The following AGTPBP1 variants were observed in gnomAD, a reference collection of about 807,000 sequenced individuals.
The protein encoded by AGTPBP1 is cytosolic carboxypeptidase 1.
AGTPBP1 carries 70 observed loss-of-function variants against 143.9 expected under a neutral mutation model. The ratio of observed to expected loss-of-function variants is 0.49; its 90% confidence interval spans 0.40 to 0.59. The LOEUF is 0.59. Ranked by LOEUF, AGTPBP1 falls within the 20% of genes least tolerant of loss-of-function variation. AGTPBP1 has a pLI of 0.00. For missense variants in AGTPBP1, 1,229 were observed against 1,464.5 expected (o/e 0.84, Z 2.62); for synonymous variants, 463 against 500.2 (o/e 0.93, Z 0.99).
chr9:85,565,642 C>T (rs535295717), intron 25 of AGTPBP1, among the ~76,000 whole-genome samples: 1 of 152,286 alleles, frequency 6.6e-6, no homozygotes, highest in Admixed American at 6.5e-5. Context: ...ACCCTTTTCA[C>T]TTACACTTGG....
chr9:85,594,841 CATTG>C (rs1369359406), intron 18 of AGTPBP1, among the ~76,000 whole-genome samples: 2 of 152,150 alleles, frequency 1.3e-5, no homozygotes, highest in Non-Finnish European at 2.9e-5. Flanking sequence ...AAAAAGCATT[CATTG>C]ATTGACAATT....
the AGTPBP1 span, among the ~76,000 whole-genome samples, chr9:85,771,652 C>CTTT: frequency 2.2e-5 from 3 of 136,172 alleles, no homozygotes; most frequent in African/African-American, 2.8e-5. Context: ...ACATAGATAA[C>CTTT]TTTTTTTTTT....
In AGTPBP1 at chr9:85,586,912, A is replaced by G. The variant is rs183814474; in HGVS notation, c.2952T>C (p.Ser984=). ...SGEDLNRQWQ[S]PSPDLHPTIY... is the part of the protein sequence containing the mutation. Reference sequence around the variant, plus strand: ...TTGTAGGATGTAAATCCGGACTTGGACTTTGCCACTGCCTATTCAAATCCT... The same window carrying G: ...TTGTAGGATGTAAATCCGGACTTGGGCTTTGCCACTGCCTATTCAAATCCT... Residue 984 remains serine, a synonymous_variant, in exon 22 of 26, where the codon AGT becomes AGC. Coordinates refer to ENST00000357081, the MANE Select transcript of AGTPBP1 (RefSeq NM_001330701.2). The G allele has an allele frequency of 9.6e-5, 155 of 1,614,048 alleles. 1 individual carries two copies. In the East Asian group the frequency reaches 2.6e-3, roughly 27 times the overall value.
chr9:85,693,693 G>A (rs1243580831), intron 2 of AGTPBP1, among the ~76,000 whole-genome samples: 1 of 152,122 alleles, frequency 6.6e-6, no homozygotes, highest in Non-Finnish European at 1.5e-5. Flanking sequence ...CGCATAGAGT[G>A]TACATTCTTA....
the AGTPBP1 span, among the ~76,000 whole-genome samples, chr9:85,794,393 T>G: frequency 6.6e-6 from 1 of 152,148 alleles, no homozygotes; most frequent in Non-Finnish European, 1.5e-5. Flanking sequence ...TATCCAGTTG[T>G]GTCAATACAA....
the AGTPBP1 span, among the ~76,000 whole-genome samples, chr9:85,770,104 C>T: frequency 6.8e-6 from 1 of 146,454 alleles, no homozygotes; most frequent in African/African-American, 2.6e-5. Context: ...TGTATGTATA[C>T]ACACATGTAT....
intron 1 of AGTPBP1, among the ~76,000 whole-genome samples, chr9:85,730,839 C>T (rs552283534): frequency 2.6e-5 from 4 of 152,068 alleles, no homozygotes; most frequent in Non-Finnish European, 5.9e-5. Context: ...TACTCCAATC[C>T]CCTGTTACAG....
At chr9:85,556,957 T>C (rs1410522301) in intron 25 of AGTPBP1, among the ~76,000 whole-genome samples, 4 of 152,160 alleles carry the variant, frequency 2.6e-5, no homozygotes, top group South Asian at 2.1e-4. Flanking sequence ...AAAAACTTGA[T>C]CTTATCAGGA....
At chr9:85,657,034 G>C (rs944316126) in intron 10 of AGTPBP1, among the ~76,000 whole-genome samples, 22 of 151,762 alleles carry the variant, frequency 1.4e-4, no homozygotes, top group Admixed American at 4.6e-4. Flanking sequence ...CTGTTGTGGG[G>C]TGGGGGGAGA....
intron 2 of AGTPBP1, among the ~76,000 whole-genome samples, chr9:85,696,156 T>C (rs1027511006): frequency 1.3e-4 from 20 of 152,182 alleles, no homozygotes; most frequent in African/African-American, 4.3e-4. Flanking sequence ...CCAGACATTC[T>C]CTTTTCATGG....
At chr9:85,674,965 C>T (rs1353052222) in intron 6 of AGTPBP1, among the ~76,000 whole-genome samples, 2 of 151,936 alleles carry the variant, frequency 1.3e-5, no homozygotes, top group African/African-American at 2.4e-5. Flanking sequence ...GGTACGATCT[C>T]GGCTCACTGC....
At chr9:85,589,381 A>C (rs1828812835) in intron 20 of AGTPBP1, 147 bp downstream of exon 20, 1 of 1,004,390 alleles carries the variant, frequency 1.0e-6, no homozygotes, top group Non-Finnish European at 1.4e-6. Flanking sequence ...AGGTGGGCTC[A>C]TGGCTAGCTA....
chr9:85,565,009 C>T (rs184792550), intron 25 of AGTPBP1, among the ~76,000 whole-genome samples: 7 of 152,264 alleles, frequency 4.6e-5, no homozygotes, highest in Admixed American at 4.6e-4. Flanking sequence ...TATGAGGAAG[C>T]AGGCCCTCAC....
intron 10 of AGTPBP1, among the ~76,000 whole-genome samples, chr9:85,655,623 A>G (rs1178032373): frequency 6.6e-6 from 1 of 152,098 alleles, no homozygotes; most frequent in African/African-American, 2.4e-5. Context: ...ATAAAATAAA[A>G]AAGATAATTT....
intron 2 of AGTPBP1, among the ~76,000 whole-genome samples, chr9:85,699,310 A>C (rs1211778370): frequency 6.6e-6 from 1 of 151,922 alleles, no homozygotes; most frequent in East Asian, 1.9e-4. Flanking sequence ...GGGCATTATC[A>C]CTCAAATATT....
chr9:85,595,363 T>G (rs1829227788), intron 18 of AGTPBP1, among the ~76,000 whole-genome samples: 2 of 152,074 alleles, frequency 1.3e-5, no homozygotes, highest in Non-Finnish European at 2.9e-5. Context: ...TAAACAAGGG[T>G]GCCAAGTGGA....
chr9:85,677,084 A>C (rs1029223238), intron 6 of AGTPBP1, among the ~76,000 whole-genome samples: 2 of 152,218 alleles, frequency 1.3e-5, no homozygotes, highest in East Asian at 3.8e-4. Flanking sequence ...GGATACAAAA[A>C]TACATTTCAA....
intron 11 of AGTPBP1, among the ~76,000 whole-genome samples, chr9:85,648,840 T>C (rs1468703511): frequency 2.6e-5 from 4 of 152,068 alleles, no homozygotes; most frequent in Middle Eastern, 3.4e-3. Context: ...GAAAATCCTA[T>C]TGCAAGTAGG....
At chr9:85,706,833 G>A (rs1039451694) in intron 2 of AGTPBP1, among the ~76,000 whole-genome samples, 4 of 150,440 alleles carry the variant, frequency 2.7e-5, no homozygotes, top group African/African-American at 4.9e-5. Context: ...CCGACATCGC[G>A]CCACTGCACT....
Sources: allele counts gnomAD v4.1 joint callset (sites outside exome capture counted in the v4.1 genomes callset), GRCh38; gene constraint gnomAD v4.1.1; transcripts MANE v1.5; gene names NCBI Gene and HGNC (gene_info 2026-07-23, HGNC 2026-07-21).